Variants in MTCH2 observed in about 807,000 individuals in gnomAD.
MTCH2 encodes the protein mitochondrial carrier 2, also known as mitochondrial carrier homolog 2.
MTCH2 carries 25 observed loss-of-function variants against 50.6 expected under a neutral mutation model. The observed-to-expected ratio is 0.49, with a 90% CI of 0.36 to 0.69. The LOEUF (loss-of-function observed/expected upper bound fraction) is 0.69, where lower values mean the gene tolerates loss of function less well. MTCH2 is among the 30% of genes least tolerant of loss of function. The probability of loss-of-function intolerance (pLI) is 0.00; values close to 1 mark genes in which losing one functional copy is unlikely to be tolerated. For missense variants in MTCH2, 273 were observed against 384.4 expected (o/e 0.71, Z 2.42); for synonymous variants, 106 against 132.0 (o/e 0.80, Z 1.35).
downstream of MTCH2, among the ~76,000 whole-genome samples, chr11:47,615,222 T>A (rs4752787): frequency 1 from 151,918 of 152,150 alleles, 75,843 homozygotes; most frequent in Middle Eastern, 1. Context: ...ATTTTTGTGT[T>A]GAGAAAAGGT....
intron 5 of MTCH2, among the ~76,000 whole-genome samples, chr11:47,633,446 T>C (rs1297617994): frequency 7.0e-6 from 1 of 141,976 alleles, no homozygotes; most frequent in Admixed American, 7.4e-5. Flanking sequence ...TTCATGAAAA[T>C]TTACAGAAAA....
chr11:47,635,374 C>T lies in MTCH2; in HGVS notation c.306+171G>A, dbSNP rs76848013. Among the ~76,000 whole-genome samples, 971 of 152,310 alleles carry T rather than the reference C, an allele frequency of 6.4e-3. 7 individuals are homozygous for T. Among genetic ancestry groups the T allele is most frequent in the African/African-American group, 0.022 (927 of 41,564 alleles). On this transcript the variant is annotated intron_variant, in intron 4 of 12. Transcript: ENST00000302503. ...ACAGGCATGAGCCACCATGCCCAGCCATCCTGATGGTTTCAAACAGAACTG... is the reference window on the plus strand; with the variant it reads ...ACAGGCATGAGCCACCATGCCCAGCTATCCTGATGGTTTCAAACAGAACTG...
At chr11:47,606,274 A>T in the MTCH2 span, among the ~76,000 whole-genome samples, 2 of 152,318 alleles carry the variant, frequency 1.3e-5, no homozygotes, top group East Asian at 3.9e-4. Context: ...GAAAGAGGAA[A>T]ATCAGAGTTG....
intron 12 of MTCH2, among the ~76,000 whole-genome samples, chr11:47,620,558 G>A (rs2097292382): frequency 6.6e-6 from 1 of 152,150 alleles, no homozygotes. Flanking sequence ...GGAGGCTGAG[G>A]TAGGAGGATT....
chr11:47,608,011 C>T, the MTCH2 span, among the ~76,000 whole-genome samples: 16 of 152,306 alleles, frequency 1.1e-4, no homozygotes, highest in East Asian at 3.9e-4. Flanking sequence ...AATGCATGTG[C>T]GTGCCATATT....
chr11:47,637,236 C>T (rs1266402971), intron 3 of MTCH2, among the ~76,000 whole-genome samples: 3 of 152,242 alleles, frequency 2.0e-5, no homozygotes, highest in African/African-American at 4.8e-5. Flanking sequence ...CTGATCCACC[C>T]GCCTCAGCCT....
At chr11:47,623,934 C>T (rs1314551789) in intron 11 of MTCH2, among the ~76,000 whole-genome samples, 1 of 152,124 alleles carries the variant, frequency 6.6e-6, no homozygotes, top group African/African-American at 2.4e-5. Context: ...TGCCTATAAT[C>T]CCAGCTACTC....
intron 9 of MTCH2, 58 bp from the exon 10 acceptor site, chr11:47,627,185 A>G: frequency 8.0e-7 from 1 of 1,257,474 alleles, no homozygotes; most frequent in Admixed American, 2.4e-5. Context: ...ACATCAATAT[A>G]TTCTTTTTTC....
Position 47,642,493 on chromosome 11 carries a change from C to T in MTCH2, c.-28G>A. ...TGGCACCCGCGGGCGGACGGACAGA[C>T]AGACGGAGCCACCAAGCGACCCGGT... On this transcript the variant is annotated 5_prime_UTR_variant, in exon 1 of 13. Coordinates refer to ENST00000302503, the MANE Select transcript of MTCH2 (RefSeq NM_014342.4). 1 of 1,500,056 alleles carries T rather than the reference C, an allele frequency of 6.7e-7. No individual in the cohort carries two copies. The highest frequency in any genetic ancestry group is 1.2e-5 in the South Asian group (1 of 81,330). 92.9% of individuals were successfully genotyped at this position (1,500,056 alleles called of 1,614,324 possible). A position where few individuals can be genotyped will look rare whatever the true frequency, so the allele number is the denominator to read the frequency against.
rs1033192046 is a variant in MTCH2, at chr11:47,617,466, A to T, written c.*1367T>A. ...TGAGACAAAGGAAGAGACATCAAAG[A>T]CATTTTAAGCCGAGCTCCTCATGAG... On this transcript the variant is annotated 3_prime_UTR_variant, in exon 13 of 13. Transcript: ENST00000302503. The T allele has an allele frequency of 6.6e-6, 1 of 152,456 alleles. No homozygotes were observed. The highest frequency in any genetic ancestry group is 2.4e-5 in the African/African-American group (1 of 41,464). The allele number at this position is 152,456 out of a possible 1,614,324, so 9.4% of individuals were successfully genotyped here.
intron 9 of MTCH2, among the ~76,000 whole-genome samples, chr11:47,628,681 TCCC>T (rs1456097973): frequency 1.3e-5 from 2 of 152,080 alleles, no homozygotes; most frequent in African/African-American, 4.8e-5. Flanking sequence ...TTCAAGCAAT[TCCC>T]CTGCCTCAGC....
intron 6 of MTCH2, 54 bp downstream of exon 6, chr11:47,631,600 G>T: frequency 1.3e-6 from 2 of 1,564,668 alleles, no homozygotes; most frequent in Non-Finnish European, 8.8e-7. Context: ...CTATCTAAGT[G>T]GTCAGGAGAG....
At chr11:47,609,457 CAAAAA>C in the MTCH2 span, among the ~76,000 whole-genome samples, 3 of 40,122 alleles carry the variant, frequency 7.5e-5, no homozygotes, top group South Asian at 1.3e-3. Flanking sequence ...GATTCTGTAT[CAAAAA>C]AAAAAAAAAA....
intron 5 of MTCH2, among the ~76,000 whole-genome samples, chr11:47,633,660 C>G (rs1030204696): frequency 6.7e-6 from 1 of 149,912 alleles, no homozygotes; most frequent in African/African-American, 2.5e-5. Context: ...CCTCAGCCCC[C>G]CAAGTAGCTG....
At position 47,642,550 on chromosome 11, in the gene MTCH2, C is replaced by A. The variant is rs2097315442; in HGVS notation, c.-85G>T. 3.2e-6 allele frequency: 4 copies of A among 1,263,718 alleles called. No homozygotes were observed. In the Admixed American group the frequency reaches 1.1e-4, roughly 35 times the overall value. The allele number at this position is 1,263,718 out of a possible 1,614,324, so 78.3% of individuals were successfully genotyped here. ...GTCCTAGGTCACGTGCCAGGGCCGCCGGTTTCACTGGCCCGCCCGCGGCGC... is the reference window on the plus strand; with the variant it reads ...GTCCTAGGTCACGTGCCAGGGCCGCAGGTTTCACTGGCCCGCCCGCGGCGC... On this transcript the variant is annotated 5_prime_UTR_variant, in exon 1 of 13. Coordinates refer to ENST00000302503, the MANE Select transcript of MTCH2 (RefSeq NM_014342.4).
downstream of MTCH2, among the ~76,000 whole-genome samples, chr11:47,615,601 G>A (rs981293852): frequency 1.3e-5 from 2 of 151,606 alleles, no homozygotes; most frequent in African/African-American, 4.8e-5. Context: ...GGAATATAGG[G>A]CTTATGTTGA....
At chr11:47,620,793 A>C (rs1160242288) in intron 12 of MTCH2, among the ~76,000 whole-genome samples, 1 of 152,240 alleles carries the variant, frequency 6.6e-6, no homozygotes, top group African/African-American at 2.4e-5. Flanking sequence ...AACTGCTCTA[A>C]GCCCCAGTTT....
rs572241881 is a variant in MTCH2 at position 47,626,331 on chromosome 11, C to CT, written c.682-591dup. ...GAGTGAGCCACCGCGCCTGCCCCAG[C>CT]TTTTTTTTTTTTTTTTCACTTTTGT... On this transcript the variant is annotated intron_variant, in intron 10 of 12. Coordinates refer to ENST00000302503, the MANE Select transcript of MTCH2 (RefSeq NM_014342.4). 4.9e-3 allele frequency among the ~76,000 whole-genome samples: 665 copies of CT among 135,450 alleles called. 1 individual carries two copies. Among genetic ancestry groups the CT allele is most frequent in the Middle Eastern group, 0.015 (4 of 260 alleles). 88.9% of individuals were successfully genotyped at this position (135,450 alleles called of 152,430 possible).
At chr11:47,632,749 A>T (rs964565881) in intron 5 of MTCH2, among the ~76,000 whole-genome samples, 2 of 151,204 alleles carry the variant, frequency 1.3e-5, no homozygotes, top group African/African-American at 4.9e-5. Context: ...CCCGGGCTGG[A>T]GTGCAGTGGT....
Sources: gnomAD v4.1 joint callset for allele counts (sites outside exome capture counted in the v4.1 genomes callset) on GRCh38, gnomAD v4.1.1 for gene constraint, MANE v1.5 for transcripts, NCBI Gene and HGNC (gene_info 2026-07-23, HGNC 2026-07-21) for gene names.